The following CALHM4 variants were observed in gnomAD, a reference collection of about 807,000 sequenced individuals.
The protein encoded by CALHM4 is calcium homeostasis modulator family member 4, also known as calcium homeostasis modulator protein 4.
In CALHM4, 16 loss-of-function variants were observed where a neutral mutation model predicts 13.3. The observed-to-expected ratio is 1.20, with a 90% CI of 0.81 to 1.82. The LOEUF is 1.82. Among genes scored for constraint, CALHM4 ranks in the 40% most tolerant of loss-of-function variants. CALHM4 has a pLI of 0.00. For missense variants in CALHM4, 344 were observed against 374.9 expected (o/e 0.92, Z 0.68); for synonymous variants, 127 against 137.1 (o/e 0.93, Z 0.52).
At chr6:116,551,297 T>C (rs768500032), upstream of CALHM4, among the ~76,000 whole-genome samples, 1 of 152,216 alleles carries the variant, frequency 6.6e-6, no homozygotes, top group Admixed American at 6.5e-5. Flanking sequence ...TTTCTCATAT[T>C]CCTTTGTAAT....
intron 1 of CALHM4, among the ~76,000 whole-genome samples, chr6:116,532,004 G>A (rs968426175): frequency 1.3e-5 from 2 of 152,074 alleles, no homozygotes; most frequent in African/African-American, 4.8e-5. Context: ...TCCTGTTCAG[G>A]ATCCTACCGC....
chr6:116,554,176 A>T lies in CALHM4; in HGVS notation c.383A>T (p.Tyr128Phe). The change falls in exon 1 of 2, where the codon TAT (tyrosine) becomes TTT (phenylalanine). Residue 128 changes from tyrosine (Y) to phenylalanine (F), a missense_variant. Tyr to Phe is a conservative substitution (Grantham distance 22). Transcript: ENST00000368596. ...GCGGTGACCCTGCTGACAGGCACGT[A>T]TTATGAATGTGCAGCAAGTGAATTT... The part of the protein sequence containing the change: ...WLAVTLLTGT[Y>F]YECAASEFAS... 6.4e-7 allele frequency: 1 copy of T among 1,550,524 alleles called. No individual in the cohort carries two copies. The highest frequency in any genetic ancestry group is 8.7e-7 in the Non-Finnish European group (1 of 1,146,984).
chr6:116,543,745 T>C, intron 1 of CALHM4: 1 of 1,285,888 alleles, frequency 7.8e-7, no homozygotes, highest in Non-Finnish European at 1.1e-6. Context: ...TTCTAAAATA[T>C]ATGCCATCCA....
At chr6:116,539,712 T>G (rs1215879098) in intron 1 of CALHM4, among the ~76,000 whole-genome samples, 1 of 152,178 alleles carries the variant, frequency 6.6e-6, no homozygotes, top group African/African-American at 2.4e-5. Flanking sequence ...GAGACTGACT[T>G]AATTGATCAG....
At chr6:116,549,910 A>G (rs1773973637), upstream of CALHM4, among the ~76,000 whole-genome samples, 1 of 149,326 alleles carries the variant, frequency 6.7e-6, no homozygotes, top group African/African-American at 2.5e-5. Context: ...CGGCAGGCAG[A>G]GGTTGCAGTG....
In CALHM4 at chr6:116,558,644, A is replaced by G. The variant is rs2115304729; in HGVS notation, c.*433A>G. ...GTTACTTTCTCTCTTTCTCTTTTGC[A>G]TTCCATGTCTTCTATTCACCATTTT... On this transcript the variant is annotated 3_prime_UTR_variant, in exon 2 of 2. Transcript: ENST00000368596. The G allele has an allele frequency of 6.5e-6, 1 of 154,922 alleles. No homozygotes were observed. The highest frequency in any genetic ancestry group is 1.9e-4 in the East Asian group (1 of 5,270). The allele number at this position is 154,922 out of a possible 1,614,324, so 9.6% of individuals were successfully genotyped here.
chr6:116,552,284 G>T (rs1043638597), upstream of CALHM4, among the ~76,000 whole-genome samples: 2 of 151,990 alleles, frequency 1.3e-5, no homozygotes, highest in East Asian at 1.9e-4. Flanking sequence ...TTTCTTTCTG[G>T]TAGTTTTAAA....
chr6:116,533,580 G>A (rs1221634763), intron 1 of CALHM4, among the ~76,000 whole-genome samples: 1 of 152,210 alleles, frequency 6.6e-6, no homozygotes, highest in Non-Finnish European at 1.5e-5. Context: ...AGAAATGTAA[G>A]TAACAATCAG....
chr6:116,558,535 C>T lies in CALHM4; in HGVS notation c.*324C>T, dbSNP rs1440200033. ...TTTTGTCATCTGCACATTGTAGCTACCTCCTAGAGCTATTATGAGAATTAA... is the reference window on the plus strand; with the variant it reads ...TTTTGTCATCTGCACATTGTAGCTATCTCCTAGAGCTATTATGAGAATTAA... On this transcript the variant is annotated 3_prime_UTR_variant, in exon 2 of 2. Transcript: ENST00000368596. The T allele has an allele frequency of 4.0e-6, 1 of 252,316 alleles. No individual in the cohort carries two copies. 15.6% of individuals were successfully genotyped at this position (252,316 alleles called of 1,614,324 possible). A position where few individuals can be genotyped will look rare whatever the true frequency, so the allele number is the denominator to read the frequency against.
chr6:116,556,194 T>A (rs1041124496), intron 1 of CALHM4, among the ~76,000 whole-genome samples: 1 of 152,256 alleles, frequency 6.6e-6, no homozygotes, highest in Admixed American at 6.5e-5. Context: ...AAGTATTCCC[T>A]GATAATCCTT....
At chr6:116,557,290 T>A (rs1774365973) in intron 1 of CALHM4, among the ~76,000 whole-genome samples, 1 of 152,122 alleles carries the variant, frequency 6.6e-6, no homozygotes, top group Admixed American at 6.5e-5. Flanking sequence ...CTGACTTGCT[T>A]TTTAGCTGCA....
At chr6:116,540,654 A>G (rs1159543853) in intron 1 of CALHM4, among the ~76,000 whole-genome samples, 1 of 152,082 alleles carries the variant, frequency 6.6e-6, no homozygotes. Flanking sequence ...AGAGCAACAC[A>G]CTGAGGAAAT....
In CALHM4 at chr6:116,557,832, G is replaced by C. The variant is rs746608607; in HGVS notation, c.566G>C (p.Gly189Ala). ...TTTAATAATGATGTGAAGATGCTGGGTTGGATTTTGATCACCTTGGCAACC... is the reference window on the plus strand; with the variant it reads ...TTTAATAATGATGTGAAGATGCTGGCTTGGATTTTGATCACCTTGGCAACC... ...LLHRYQSQML[G>A]WILITLATIA... Residue 189 changes from glycine to alanine, a missense_variant, in exon 2 of 2, where the codon GGT (glycine) becomes GCT (alanine). Physicochemically the swap from Gly to Ala is moderately conservative, Grantham distance 60 (BLOSUM62 0). Transcript: ENST00000368596. 1 of 1,610,856 alleles carries C rather than the reference G, an allele frequency of 6.2e-7. No individual in the cohort carries two copies. Among genetic ancestry groups the C allele is most frequent in the South Asian group, 1.1e-5 (1 of 90,858 alleles).
Position 116,560,108 on chromosome 6 carries a change from A to G in CALHM4, c.*1897A>G, listed in dbSNP as rs191146339. Among the ~76,000 whole-genome samples, 313 of 152,284 alleles carry G rather than the reference A, an allele frequency of 2.1e-3. 1 individual carries two copies. Among genetic ancestry groups the G allele is most frequent in the Non-Finnish European group, 2.5e-3 (172 of 68,002 alleles). ...TACAAATGAACTGTGTAAATATGGA[A>G]TGTCACATCCATTTTGTTCCCTAAG... On this transcript the variant is annotated 3_prime_UTR_variant, in exon 2 of 2. Transcript: ENST00000368596.
Position 116,557,861 on chromosome 6 carries a change from G to C in CALHM4, c.595G>C (p.Ala199Pro). 6.2e-7 allele frequency: 1 copy of C among 1,613,948 alleles called. No homozygotes were observed. The highest frequency in any genetic ancestry group is 8.5e-7 in the Non-Finnish European group (1 of 1,179,942). The change falls in exon 2 of 2, where the codon GCT becomes CCT. Residue 199 changes from alanine (A) to proline (P), a missense_variant. Transcript: ENST00000368596. ...GWILITLATI[A>P]ALVSCCVAKC... Reference sequence around the variant, plus strand: ...GATTTTGATCACCTTGGCAACCATTGCTGCCTTAGTCTCCTGCTGTGTGGC... The same window carrying C: ...GATTTTGATCACCTTGGCAACCATTCCTGCCTTAGTCTCCTGCTGTGTGGC...
At chr6:116,545,629 G>T in intron 2 of CALHM4, 1 of 885,512 alleles carries the variant, frequency 1.1e-6, no homozygotes. Context: ...CTCGCTTTGA[G>T]ACAGGAGTGC....
At chr6:116,538,412 G>A (rs1183371193) in intron 1 of CALHM4, among the ~76,000 whole-genome samples, 1 of 152,104 alleles carries the variant, frequency 6.6e-6, no homozygotes. Flanking sequence ...ACTTCCAGTT[G>A]GTTACTGCTC....
upstream of CALHM4, among the ~76,000 whole-genome samples, chr6:116,549,901 G>A (rs888180115): frequency 4.0e-5 from 6 of 149,006 alleles, no homozygotes; most frequent in Non-Finnish European, 5.9e-5. Flanking sequence ...GCTTCAACCC[G>A]GCAGGCAGAG....
Position 116,554,003 on chromosome 6 carries a change from G to A in CALHM4, c.210G>A (p.Leu70=), listed in dbSNP as rs2115288838. Residue 70 remains leucine, a synonymous_variant, in exon 1 of 2, where the codon CTG becomes CTA. Transcript: ENST00000368596. ...ALILLVAGFA[L]RSQMWTITGE... is the part of the protein sequence containing the mutation. Reference sequence around the variant, plus strand: ...TCCTTCTCGTTGCTGGCTTTGCTCTGAGAAGCCAAATGTGGACAATTACCG... The same window carrying A: ...TCCTTCTCGTTGCTGGCTTTGCTCTAAGAAGCCAAATGTGGACAATTACCG... 6.4e-7 allele frequency: 1 copy of A among 1,550,578 alleles called. No individual in the cohort carries two copies. The highest frequency in any genetic ancestry group is 8.7e-7 in the Non-Finnish European group (1 of 1,147,008).
Sources: allele counts gnomAD v4.1 joint callset (sites outside exome capture counted in the v4.1 genomes callset), GRCh38; gene constraint gnomAD v4.1.1; transcripts MANE v1.5; gene names NCBI Gene and HGNC (gene_info 2026-07-23, HGNC 2026-07-21).